The following AFG2A variants were observed in gnomAD, a reference collection of about 807,000 sequenced individuals.
The protein encoded by AFG2A is AAA ATPase AFG2A, also known as ATPase family gene 2 protein homolog A.
chr4:123,254,696 A>G, the AFG2A span, among the ~76,000 whole-genome samples: 1 of 152,200 alleles, frequency 6.6e-6, no homozygotes, highest in East Asian at 1.9e-4. Context: ...AACCATCACC[A>G]TAGTCAATTG....
chr4:123,017,326 A>G, the AFG2A span, among the ~76,000 whole-genome samples: 2 of 143,290 alleles, frequency 1.4e-5, no homozygotes, highest in African/African-American at 2.6e-5. Flanking sequence ...TAGTTGCCTT[A>G]TGGCACCATA....
At chr4:123,195,206 A>G in the AFG2A span, among the ~76,000 whole-genome samples, 2 of 152,238 alleles carry the variant, frequency 1.3e-5, no homozygotes, top group South Asian at 4.1e-4. Context: ...ACTTGATCCC[A>G]AATGTTCCCT....
the AFG2A span, among the ~76,000 whole-genome samples, chr4:123,216,036 G>A: frequency 6.6e-6 from 1 of 152,044 alleles, no homozygotes; most frequent in East Asian, 1.9e-4. Context: ...TTAAAGTCTT[G>A]TCCTTTTATG....
chr4:123,288,435 A>G, the AFG2A span, among the ~76,000 whole-genome samples: 1 of 152,158 alleles, frequency 6.6e-6, no homozygotes, highest in Non-Finnish European at 1.5e-5. Context: ...CAGGAAAGAA[A>G]GTTGAGTATG....
chr4:122,990,987 T>G, the AFG2A span, among the ~76,000 whole-genome samples: 11 of 152,250 alleles, frequency 7.2e-5, no homozygotes, highest in Non-Finnish European at 1.5e-4. Context: ...ATAGTTTCTT[T>G]TCTGCTGGAC....
the AFG2A span, among the ~76,000 whole-genome samples, chr4:123,154,960 C>A: frequency 6.6e-6 from 1 of 152,022 alleles, no homozygotes; most frequent in South Asian, 2.1e-4. Flanking sequence ...TCTGCCCCTG[C>A]CTGCTTCCCT....
the AFG2A span, among the ~76,000 whole-genome samples, chr4:123,029,368 G>A: frequency 2.0e-5 from 3 of 152,102 alleles, no homozygotes; most frequent in South Asian, 4.2e-4. Context: ...GACTGCGTCT[G>A]GCCCAGAATG....
the AFG2A span, among the ~76,000 whole-genome samples, chr4:123,007,568 A>ATGTGTGTGTGTGTGTGTGTGTGTG: frequency 1.1e-5 from 1 of 91,736 alleles, no homozygotes; most frequent in Non-Finnish European, 2.0e-5. Flanking sequence ...GTGTGTGTAT[A>ATGTGTGTGTGTGTGTGTGTGTGTG]TGTGTGTGTG....
At chr4:122,957,841 TAA>T in the AFG2A span, among the ~76,000 whole-genome samples, 3 of 152,198 alleles carry the variant, frequency 2.0e-5, no homozygotes, top group African/African-American at 4.8e-5. Flanking sequence ...ATTGTTTTTT[TAA>T]AGAGTCATGG....
chr4:123,252,197 C>G, the AFG2A span, among the ~76,000 whole-genome samples: 1 of 151,948 alleles, frequency 6.6e-6, no homozygotes, highest in Non-Finnish European at 1.5e-5. Context: ...ACAAGAAAAC[C>G]CTTTTTTCCA....
the AFG2A span, among the ~76,000 whole-genome samples, chr4:122,938,623 C>T: frequency 6.6e-6 from 1 of 152,126 alleles, no homozygotes; most frequent in African/African-American, 2.4e-5. Flanking sequence ...TTGAGTCTTG[C>T]CCTGTCATCC....
the AFG2A span, chr4:122,934,059 A>G: frequency 6.6e-7 from 1 of 1,510,522 alleles, no homozygotes; most frequent in Non-Finnish European, 8.8e-7. Context: ...GGTAAAAAAA[A>G]TTATGCTAAC....
chr4:123,061,242 T>A, the AFG2A span, among the ~76,000 whole-genome samples: 2 of 152,348 alleles, frequency 1.3e-5, no homozygotes, highest in East Asian at 3.9e-4. Context: ...AACCTTCACC[T>A]GTTACTCAGT....
chr4:122,937,998 A>G, the AFG2A span: 2 of 944,748 alleles, frequency 2.1e-6, no homozygotes, highest in Non-Finnish European at 2.9e-6. Flanking sequence ...GCTTAACATT[A>G]TAATATCTTT....
chr4:123,211,516 T>C, the AFG2A span, among the ~76,000 whole-genome samples: 1 of 152,178 alleles, frequency 6.6e-6, no homozygotes, highest in East Asian at 1.9e-4. Context: ...CTATATTTTA[T>C]AGTGCTGTCA....
the AFG2A span, among the ~76,000 whole-genome samples, chr4:122,975,515 A>G: frequency 6.6e-6 from 1 of 152,162 alleles, no homozygotes; most frequent in African/African-American, 2.4e-5. Flanking sequence ...GTGGCTGCAG[A>G]AGAGTCAAAG....
the AFG2A span, among the ~76,000 whole-genome samples, chr4:122,971,423 A>G: frequency 9.4e-4 from 143 of 152,310 alleles, 1 homozygote; most frequent in Non-Finnish European, 1.5e-3. Context: ...ACCACAAAAA[A>G]CAAAATTTTA....
At chr4:123,036,997 T>C in the AFG2A span, among the ~76,000 whole-genome samples, 1,757 of 152,234 alleles carry the variant, frequency 0.012, 14 homozygotes, top group Middle Eastern at 0.078. Flanking sequence ...TTATGTGAGT[T>C]TGGATTTTTA....
chr4:123,024,848 C>T, the AFG2A span, among the ~76,000 whole-genome samples: 7 of 152,164 alleles, frequency 4.6e-5, no homozygotes, highest in Non-Finnish European at 8.8e-5. Context: ...TCACAGACTG[C>T]AGGTGCTACT....
Sources: allele counts gnomAD v4.1 joint callset (sites outside exome capture counted in the v4.1 genomes callset), GRCh38; gene constraint gnomAD v4.1.1; transcripts MANE v1.5; gene names NCBI Gene and HGNC (gene_info 2026-07-23, HGNC 2026-07-21).